Variants in HOMER2 observed in about 807,000 individuals in gnomAD.
The protein encoded by HOMER2 is homer scaffold protein 2, also known as homer protein homolog 2.
Under a neutral mutation model 47.0 loss-of-function variants are expected in HOMER2, and 27 were observed. The ratio of observed to expected loss-of-function variants is 0.57; its 90% CI spans 0.42 to 0.79. The LOEUF is 0.79. Among genes scored for constraint, HOMER2 ranks in the 30% least tolerant of loss-of-function variants. The probability of loss-of-function intolerance (pLI) is 0.00; values close to 1 mark genes in which losing one functional copy is unlikely to be tolerated. For missense variants in HOMER2, 443 were observed against 435.0 expected, an observed-to-expected ratio of 1.02 and a Z score of -0.16; for synonymous variants, 161 against 163.8, an observed-to-expected ratio of 0.98 and a Z score of 0.13.
At chr15:82,982,096 A>T (rs2030415696) in intron 1 of HOMER2, among the ~76,000 whole-genome samples, 1 of 152,246 alleles carries the variant, frequency 6.6e-6, no homozygotes, top group Admixed American at 6.5e-5. Flanking sequence ...TATAAATTTC[A>T]TGATGTAACC....
intron 1 of HOMER2, among the ~76,000 whole-genome samples, chr15:82,894,040 A>C (rs2052819702): frequency 7.1e-6 from 1 of 141,622 alleles, no homozygotes; most frequent in African/African-American, 2.7e-5. Context: ...TGATGTTTCC[A>C]ACTTATAAAC....
At chr15:82,894,168 T>C (rs529283505) in intron 1 of HOMER2, among the ~76,000 whole-genome samples, 2 of 152,338 alleles carry the variant, frequency 1.3e-5, no homozygotes, top group African/African-American at 4.8e-5. Flanking sequence ...AATTTGCATA[T>C]TACCTATGTT....
chr15:82,862,607 T>C (rs145781288), intron 4 of HOMER2, among the ~76,000 whole-genome samples: 2 of 152,244 alleles, frequency 1.3e-5, no homozygotes, highest in Non-Finnish European at 2.9e-5. Flanking sequence ...CTGAATTTCA[T>C]AGGTCCTCAG....
At chr15:82,849,949 A>G (rs1352850104) in intron 8 of HOMER2, 46 bp from the exon 9 acceptor site, 11 of 1,584,394 alleles carry the variant, frequency 6.9e-6, no homozygotes, top group Non-Finnish European at 9.5e-6. Flanking sequence ...GAGTGACGAG[A>G]GTCATCCTTC....
At chr15:82,899,475 G>A (rs1190812951) in intron 1 of HOMER2, among the ~76,000 whole-genome samples, 2 of 152,224 alleles carry the variant, frequency 1.3e-5, no homozygotes, top group African/African-American at 2.4e-5. Context: ...AAAAGGAGAT[G>A]TGGACAGAAA....
intron 1 of HOMER2, among the ~76,000 whole-genome samples, chr15:82,978,391 T>C (rs2030279151): frequency 3.3e-5 from 5 of 152,130 alleles, no homozygotes; most frequent in Admixed American, 2.6e-4. Flanking sequence ...AATAATCCGT[T>C]CTACTTGGAG....
rs1021254266 is a variant in HOMER2 at position 82,849,247 on chromosome 15, C to T, written c.*468G>A. The T allele has an allele frequency of 6.5e-6, 1 of 153,202 alleles. No individual in the cohort carries two copies. Among genetic ancestry groups the T allele is most frequent in the African/African-American group, 2.4e-5 (1 of 41,458 alleles). The allele number at this position is 153,202 out of a possible 1,614,324, so 9.5% of individuals were successfully genotyped here. A position where few individuals can be genotyped will look rare whatever the true frequency, so the allele number is the denominator to read the frequency against. ...TTCCACTAAACAGTTGTTTTAAAGC[C>T]TCTCGATGTTGACAGAGAGGAATGT... is the stretch of plus-strand genomic sequence containing the variant. On this transcript the variant is annotated 3_prime_UTR_variant, in exon 9 of 9. Coordinates refer to ENST00000450735, the MANE Select transcript of HOMER2 (RefSeq NM_004839.4).
chr15:82,954,445 A>C (rs900040765), upstream of HOMER2, among the ~76,000 whole-genome samples: 1 of 147,368 alleles, frequency 6.8e-6, no homozygotes, highest in Non-Finnish European at 1.5e-5. Context: ...CTGCAGGCGC[A>C]TGCCACCACG....
chr15:82,935,848 TCGATGGG>T (rs2054129715), intron 1 of HOMER2, among the ~76,000 whole-genome samples: 1 of 152,200 alleles, frequency 6.6e-6, no homozygotes, highest in Non-Finnish European at 1.5e-5. Flanking sequence ...CTGGAGACCT[TCGATGGG>T]TCTCCTTGCT....
At chr15:82,835,133 G>GTTT (rs35205699), downstream of HOMER2, 1,642 of 147,770 alleles carry the variant, frequency 0.011, 27 homozygotes, top group African/African-American at 0.032. Flanking sequence ...CAGTTTTTTT[G>GTTT]TTTTTTTTTT....
upstream of HOMER2, among the ~76,000 whole-genome samples, chr15:82,954,153 A>C (rs2054561369): frequency 6.6e-6 from 1 of 152,186 alleles, no homozygotes; most frequent in Non-Finnish European, 1.5e-5. Flanking sequence ...CTCCATGCAT[A>C]GTAATCAGCA....
chr15:82,903,735 T>G (rs1281812334), intron 1 of HOMER2, among the ~76,000 whole-genome samples: 2 of 152,098 alleles, frequency 1.3e-5, no homozygotes, highest in Non-Finnish European at 2.9e-5. Flanking sequence ...GGCTCACGCC[T>G]TGTAATCCCA....
intron 1 of HOMER2, among the ~76,000 whole-genome samples, chr15:82,909,227 G>C (rs1192864788): frequency 6.6e-6 from 1 of 152,182 alleles, no homozygotes; most frequent in African/African-American, 2.4e-5. Flanking sequence ...AGTGAAAACA[G>C]CACTCAGGCA....
intron 1 of HOMER2, among the ~76,000 whole-genome samples, chr15:82,907,468 G>A (rs536451567): frequency 6.9e-6 from 1 of 143,968 alleles, no homozygotes. Flanking sequence ...AAGGAAGGAA[G>A]GAGAAAGGAA....
At position 82,974,987 on chromosome 15, in the gene HOMER2, G is replaced by A. The variant is rs564893141; in HGVS notation, n.82+10800C>T. On this transcript the variant is annotated intron_variant and non_coding_transcript_variant, in intron 1 of 1. Transcript: ENST00000500334. ...CGGGAGGCTGAGGCAGGAGAATCAC[G>A]TGAACCCAGGTGGCAGAGATTGCAG... 1.1e-3 allele frequency among the ~76,000 whole-genome samples: 171 copies of A among 152,112 alleles called. 1 individual carries two copies. Among genetic ancestry groups the A allele is most frequent in the African/African-American group, 3.8e-3 (157 of 41,476 alleles).
At chr15:82,902,063 A>T (rs1226437588) in intron 1 of HOMER2, among the ~76,000 whole-genome samples, 1 of 152,228 alleles carries the variant, frequency 6.6e-6, no homozygotes, top group Non-Finnish European at 1.5e-5. Flanking sequence ...TATTCTGTAG[A>T]TGGTATGGTT....
chr15:82,912,324 A>G (rs1208062305), intron 1 of HOMER2, among the ~76,000 whole-genome samples: 1 of 152,162 alleles, frequency 6.6e-6, no homozygotes, highest in Non-Finnish European at 1.5e-5. Flanking sequence ...TTTCATATAA[A>G]TTGAATCATA....
intron 3 of HOMER2, among the ~76,000 whole-genome samples, chr15:82,868,077 T>C (rs764511610): frequency 5.9e-5 from 9 of 151,684 alleles, no homozygotes; most frequent in Non-Finnish European, 1.2e-4. Context: ...ATTTGGAAAA[T>C]ACAATTTAGA....
intron 2 of HOMER2, among the ~76,000 whole-genome samples, chr15:82,892,099 T>C (rs936449247): frequency 3.7e-4 from 57 of 152,174 alleles, no homozygotes; most frequent in Non-Finnish European, 5.9e-4. Context: ...TATATATGTA[T>C]TTCAAGAAAT....
Sources: allele counts gnomAD v4.1 joint callset (sites outside exome capture counted in the v4.1 genomes callset), GRCh38; gene constraint gnomAD v4.1.1; transcripts MANE v1.5; gene names NCBI Gene and HGNC (gene_info 2026-07-23, HGNC 2026-07-21).